XPO1: variants seen among roughly 807,000 people sequenced by gnomAD.
XPO1 encodes the protein exportin 1.
Under a neutral mutation model 133.3 loss-of-function variants are expected in XPO1, and 5 were observed. The observed-to-expected ratio is 0.04, with a 90% CI of 0.02 to 0.08. The LOEUF is 0.08. XPO1 is among the 10% of genes least tolerant of loss of function. XPO1 has a pLI of 1.00. For synonymous variants in XPO1, 419 were observed against 408.2 expected (o/e 1.03, Z -0.32); for missense variants, 506 against 1,267.5 (o/e 0.40, Z 9.12).
intron 4 of XPO1, among the ~76,000 whole-genome samples, chr2:61,517,078 A>AT (rs1230517826): frequency 6.6e-6 from 1 of 151,784 alleles, no homozygotes; most frequent in Non-Finnish European, 1.5e-5. Flanking sequence ...TAATTTTGGT[A>AT]TTTTTAGTAG....
chr2:61,524,394 C>T (rs1474653464), intron 3 of XPO1, among the ~76,000 whole-genome samples: 1 of 152,118 alleles, frequency 6.6e-6, no homozygotes, highest in East Asian at 1.9e-4. Flanking sequence ...CCTAAAATTA[C>T]TATTTACTAA....
At chr2:61,497,561 T>C (rs561497179) in intron 9 of XPO1, among the ~76,000 whole-genome samples, 1 of 152,336 alleles carries the variant, frequency 6.6e-6, no homozygotes, top group South Asian at 2.1e-4. Context: ...CCTTAACAAC[T>C]TTCCTAGAAT....
chr2:61,505,737 T>G (rs1697775000), intron 4 of XPO1, among the ~76,000 whole-genome samples: 1 of 152,120 alleles, frequency 6.6e-6, no homozygotes, highest in East Asian at 1.9e-4. Context: ...TTTTGTATTT[T>G]CACTAGAGAT....
Position 61,488,701 on chromosome 2 carries a change from G to C in XPO1, c.2093C>G (p.Ala698Gly), listed in dbSNP as rs1195109431. The part of the protein sequence containing the change: ...LGSILKTNVR[A>G]CKAVGHPFVI... ...AAAGGGGTGTCCAACAGCTTTGCAG[G>C]CTCTCACATTTGTTTTCAAAATGCT... The change falls in exon 18 of 25, where the codon GCC (alanine) becomes GGC (glycine). Residue 698 changes from alanine to glycine, a missense_variant. Coordinates refer to ENST00000401558, the MANE Select transcript of XPO1 (RefSeq NM_003400.4). 6.2e-7 allele frequency: 1 copy of C among 1,614,056 alleles called. No homozygotes were observed. Among genetic ancestry groups the C allele is most frequent in the Non-Finnish European group, 8.5e-7 (1 of 1,180,040 alleles).
chr2:61,502,331 A>T, intron 4 of XPO1, 21 bp from the exon 5 acceptor site: 2 of 1,604,304 alleles, frequency 1.2e-6, no homozygotes, highest in Non-Finnish European at 1.7e-6. Flanking sequence ...AATTGCACGT[A>T]ATAAAAAAAT....
At position 61,495,171 on chromosome 2, in the gene XPO1, C is replaced by T. The variant is rs149774845; in HGVS notation, c.1047+284G>A. Among the ~76,000 whole-genome samples, 345 of 152,136 alleles carry T rather than the reference C, an allele frequency of 2.3e-3. 2 individuals are homozygous for T. The highest frequency in any genetic ancestry group is 6.7e-3 in the African/African-American group (280 of 41,494). On this transcript the variant is annotated intron_variant, in intron 11 of 24. Transcript: ENST00000401558. The stretch of plus-strand genomic sequence containing the variant: ...CAAATGCATGTTATTTGAATTAAAA[C>T]TGAAATTTTAAAATAAGGTCTTTGA...
chr2:61,501,145 A>T (rs1697494351), intron 6 of XPO1, among the ~76,000 whole-genome samples: 2 of 152,220 alleles, frequency 1.3e-5, no homozygotes, highest in South Asian at 2.1e-4. Context: ...AAAGTATAAT[A>T]AAAGCTGGAG....
At chr2:61,527,380 C>G (rs2104789416) in intron 2 of XPO1, among the ~76,000 whole-genome samples, 1 of 150,512 alleles carries the variant, frequency 6.6e-6, no homozygotes, top group South Asian at 2.1e-4. Context: ...CCTAACTACT[C>G]AGGAGACCGA....
intron 19 of XPO1, among the ~76,000 whole-genome samples, chr2:61,486,517 T>C (rs908046975): frequency 1.3e-5 from 2 of 152,098 alleles, no homozygotes; most frequent in Non-Finnish European, 2.9e-5. Flanking sequence ...AGTGCAGTGG[T>C]GCCATCTTGG....
chr2:61,513,624 C>G (rs1698207411), intron 4 of XPO1, among the ~76,000 whole-genome samples: 1 of 151,738 alleles, frequency 6.6e-6, no homozygotes, highest in Non-Finnish European at 1.5e-5. Context: ...TGTGCCCAGC[C>G]AAAAACTTAC....
At chr2:61,483,859 T>TAC (rs1412033224) in intron 21 of XPO1, 78 bp downstream of exon 21, 6 of 1,497,188 alleles carry the variant, frequency 4.0e-6, no homozygotes, top group Non-Finnish European at 5.5e-6. Flanking sequence ...GAACAAGTAA[T>TAC]ACCTTCCTAT....
chr2:61,513,363 C>CT (rs55865110), intron 4 of XPO1, among the ~76,000 whole-genome samples: 15 of 126,150 alleles, frequency 1.2e-4, no homozygotes, highest in African/African-American at 2.1e-4. Flanking sequence ...TACAGAATAT[C>CT]TTTTTTTTTT....
At chr2:61,518,417 A>AACACACACACACACACAC (rs200566050) in intron 4 of XPO1, among the ~76,000 whole-genome samples, 4 of 124,456 alleles carry the variant, frequency 3.2e-5, no homozygotes, top group African/African-American at 6.5e-5. Context: ...CAAAAAACAA[A>AACACACACACACACACAC]ACACACACAC....
intron 23 of XPO1, among the ~76,000 whole-genome samples, chr2:61,481,741 A>G (rs963768396): frequency 7.3e-5 from 11 of 150,880 alleles, no homozygotes; most frequent in African/African-American, 2.7e-4. Context: ...CACCGTGCCC[A>G]GCCTTTTTAT....
At position 61,485,678 on chromosome 2, in the gene XPO1, ATTATG is replaced by A. The variant is rs1696658489; in HGVS notation, c.2508+85_2508+89del. 3.3e-5 allele frequency: 36 copies of A among 1,086,304 alleles called. 1 individual carries two copies. The South Asian group carries it at 6.3e-4, about 19-fold the overall frequency. 67.3% of individuals were successfully genotyped at this position (1,086,304 alleles called of 1,614,324 possible). On this transcript the variant is annotated intron_variant, in intron 20 of 24. Coordinates refer to ENST00000401558, the MANE Select transcript of XPO1 (RefSeq NM_003400.4). ...AATATTTAAACTCCATGGCATTAAAATTATGTTATATCCACAGACATACTTTAGCT... is the reference window on the plus strand; with the variant it reads ...AATATTTAAACTCCATGGCATTAAAATTATATCCACAGACATACTTTAGCT...
intron 2 of XPO1, 67 bp downstream of exon 2, chr2:61,533,705 T>G: frequency 7.4e-7 from 1 of 1,359,174 alleles, no homozygotes. Context: ...AATTTAAAAT[T>G]TTATTCTAAA....
intron 4 of XPO1, among the ~76,000 whole-genome samples, chr2:61,522,079 T>C (rs1219511658): frequency 6.6e-6 from 1 of 151,106 alleles, no homozygotes; most frequent in African/African-American, 2.4e-5. Context: ...TATATATATG[T>C]TTTTTTGGAG....
chr2:61,500,867 C>T (rs1023751231), intron 6 of XPO1, among the ~76,000 whole-genome samples: 4 of 152,074 alleles, frequency 2.6e-5, no homozygotes, highest in Admixed American at 2.0e-4. Context: ...TAAAAAGTGA[C>T]CGGTTAAGAC....
intron 24 of XPO1, among the ~76,000 whole-genome samples, 181 bp downstream of exon 24, chr2:61,481,004 G>T (rs1411521720): frequency 6.6e-6 from 1 of 151,978 alleles, no homozygotes; most frequent in Non-Finnish European, 1.5e-5. Context: ...ATCCTTATTG[G>T]ACTTTAGTTT....
Sources: allele counts gnomAD v4.1 joint callset (sites outside exome capture counted in the v4.1 genomes callset), GRCh38; gene constraint gnomAD v4.1.1; transcripts MANE v1.5; gene names NCBI Gene and HGNC (gene_info 2026-07-23, HGNC 2026-07-21).